The following IL12RB2 variants were observed in gnomAD, a reference collection of about 807,000 sequenced individuals.
IL12RB2 encodes interleukin-12 receptor subunit beta-2.
IL12RB2 carries 82 observed loss-of-function variants against 89.4 expected under a neutral mutation model. That is an observed-to-expected ratio of 0.92 (90% CI 0.77 to 1.10). The LOEUF is 1.10. Ranked by LOEUF, IL12RB2 falls within the 50% of genes least tolerant of loss-of-function variation. IL12RB2 has a pLI of 0.00. For missense variants in IL12RB2, 963 were observed against 1,031.9 expected, an observed-to-expected ratio of 0.93 and a Z score of 0.92; for synonymous variants, 368 against 370.1, an observed-to-expected ratio of 0.99 and a Z score of 0.07.
intron 6 of IL12RB2, among the ~76,000 whole-genome samples, chr1:67,329,165 T>A (rs1459093829): frequency 6.6e-6 from 1 of 152,234 alleles, no homozygotes; most frequent in African/African-American, 2.4e-5. Flanking sequence ...CTCGCCCCCT[T>A]GTTCTTTTCC....
intron 9 of IL12RB2, among the ~76,000 whole-genome samples, chr1:67,343,980 T>TC (rs550664440): frequency 3.9e-4 from 60 of 152,298 alleles, no homozygotes; most frequent in African/African-American, 1.3e-3. Context: ...ACAAATCCAG[T>TC]CCTCATGTCC....
At chr1:67,342,448 C>A (rs1001438974) in intron 9 of IL12RB2, among the ~76,000 whole-genome samples, 1 of 152,024 alleles carries the variant, frequency 6.6e-6, no homozygotes, top group African/African-American at 2.4e-5. Context: ...CAACTCCGTG[C>A]TGATTGGGTG....
chr1:67,349,366 CAT>C (rs1286706799), intron 9 of IL12RB2, among the ~76,000 whole-genome samples: 1 of 152,152 alleles, frequency 6.6e-6, no homozygotes, highest in Non-Finnish European at 1.5e-5. Context: ...AGAAGAGACA[CAT>C]AGGGAACAAC....
At chr1:67,386,394 C>T (rs930770402) in intron 14 of IL12RB2, among the ~76,000 whole-genome samples, 185 bp from the exon 15 acceptor site, 1 of 152,070 alleles carries the variant, frequency 6.6e-6, no homozygotes, top group Admixed American at 6.6e-5. Context: ...CCTCTTGGAA[C>T]CATAGAATTG....
intron 14 of IL12RB2, among the ~76,000 whole-genome samples, chr1:67,381,560 G>A (rs576646088): frequency 2.0e-5 from 3 of 151,892 alleles, no homozygotes; most frequent in East Asian, 1.9e-4. Flanking sequence ...TCAGGAGATC[G>A]AGACCATCCT....
In IL12RB2 at chr1:67,362,932, C is replaced by G. The variant is rs187862012; in HGVS notation, c.1259-4893C>G. The stretch of plus-strand genomic sequence containing the variant: ...TCGTTTTTTTTTTTTGTGACGGAGT[C>G]TTGCTCTGTCACCATGCTGGAGTGC... On this transcript the variant is annotated intron_variant, in intron 10 of 16. Coordinates refer to ENST00000674203, the MANE Select transcript of IL12RB2 (RefSeq NM_001374259.2). 1.7e-3 allele frequency among the ~76,000 whole-genome samples: 260 copies of G among 149,836 alleles called. 1 individual carries two copies. Among genetic ancestry groups the G allele is most frequent in the African/African-American group, 6.2e-3 (253 of 41,036 alleles).
intron 4 of IL12RB2, among the ~76,000 whole-genome samples, chr1:67,323,105 A>G (rs1656796734): frequency 6.6e-6 from 1 of 152,200 alleles, no homozygotes; most frequent in Non-Finnish European, 1.5e-5. Flanking sequence ...GACTCTGTCC[A>G]GGAAAGATGG....
At chr1:67,331,096 C>T (rs561071180) in intron 8 of IL12RB2, among the ~76,000 whole-genome samples, 1 of 152,322 alleles carries the variant, frequency 6.6e-6, no homozygotes, top group East Asian at 1.9e-4. Flanking sequence ...CTCTTACTAT[C>T]TCAGTAACTT....
intron 13 of IL12RB2, among the ~76,000 whole-genome samples, chr1:67,374,719 G>A (rs948098743): frequency 1.2e-4 from 17 of 146,644 alleles, no homozygotes; most frequent in East Asian, 4.1e-4. Flanking sequence ...CAGGTGATCC[G>A]TCTGCCTTGG....
At chr1:67,340,384 G>A (rs924252513) in intron 9 of IL12RB2, among the ~76,000 whole-genome samples, 1 of 152,178 alleles carries the variant, frequency 6.6e-6, no homozygotes, top group African/African-American at 2.4e-5. Flanking sequence ...GCAAGTGACT[G>A]GTTAAAACCA....
chr1:67,334,747 G>A (rs563823467), intron 8 of IL12RB2, among the ~76,000 whole-genome samples: 1 of 152,300 alleles, frequency 6.6e-6, no homozygotes, highest in Admixed American at 6.5e-5. Flanking sequence ...CCAAAGTTCT[G>A]GGATTACAGG....
At chr1:67,376,699 T>C (rs75932130) in intron 13 of IL12RB2, among the ~76,000 whole-genome samples, 1 of 82,176 alleles carries the variant, frequency 1.2e-5, no homozygotes, top group Non-Finnish European at 3.0e-5. Context: ...TCCTAATATG[T>C]GTGCGTGTGT....
chr1:67,383,724 C>T (rs183347213), intron 14 of IL12RB2, among the ~76,000 whole-genome samples: 12 of 152,306 alleles, frequency 7.9e-5, no homozygotes, highest in Admixed American at 7.8e-4. Context: ...TGCCTAGATC[C>T]ACTTAAGCCT....
chr1:67,350,842 A>G, intron 9 of IL12RB2, 28 bp from the exon 10 acceptor site: 1 of 1,613,022 alleles, frequency 6.2e-7, no homozygotes, highest in Non-Finnish European at 8.5e-7. Context: ...TCTGGGAGTA[A>G]ATAGTGAATA....
intron 10 of IL12RB2, among the ~76,000 whole-genome samples, chr1:67,360,602 C>T (rs1661927113): frequency 6.6e-6 from 1 of 151,916 alleles, no homozygotes; most frequent in African/African-American, 2.4e-5. Context: ...TTGAGACCAG[C>T]CTGGCCAACA....
At position 67,384,801 on chromosome 1, in the gene IL12RB2, C is replaced by A. The variant is rs530010418; in HGVS notation, c.1856-1778C>A. 3.1e-3 allele frequency among the ~76,000 whole-genome samples: 478 copies of A among 152,302 alleles called. 1 individual carries two copies. The highest frequency in any genetic ancestry group is 0.01 in the African/African-American group (433 of 41,580). On this transcript the variant is annotated intron_variant, in intron 14 of 16. Transcript: ENST00000674203. ...CAGTCTGTTTGCATAGCAAGAGTAA[C>A]CTTTACTCCAGTTCCCAACAAGTTC... is the stretch of plus-strand genomic sequence containing the variant.
At chr1:67,309,101 A>G (rs903568007) in intron 1 of IL12RB2, among the ~76,000 whole-genome samples, 9 of 152,000 alleles carry the variant, frequency 5.9e-5, no homozygotes, top group African/African-American at 2.2e-4. Flanking sequence ...GAATAAAGCT[A>G]AATTAGTCCT....
intron 8 of IL12RB2, among the ~76,000 whole-genome samples, chr1:67,332,227 T>A (rs1425667278): frequency 6.6e-6 from 1 of 152,060 alleles, no homozygotes; most frequent in Non-Finnish European, 1.5e-5. Flanking sequence ...CATTTTTTTT[T>A]TTTTTTGAGA....
chr1:67,373,324 A>T (rs1055938246), intron 13 of IL12RB2, among the ~76,000 whole-genome samples: 3 of 152,132 alleles, frequency 2.0e-5, no homozygotes, highest in African/African-American at 7.2e-5. Flanking sequence ...TGTCCAGGCT[A>T]GTCTCCAACT....
Sources: gnomAD v4.1 joint callset for allele counts (sites outside exome capture counted in the v4.1 genomes callset) on GRCh38, gnomAD v4.1.1 for gene constraint, MANE v1.5 for transcripts, NCBI Gene and HGNC (gene_info 2026-07-23, HGNC 2026-07-21) for gene names.